The following ZNF385D variants were observed in gnomAD, a reference collection of about 807,000 sequenced individuals.
The protein encoded by ZNF385D is zinc finger protein 385D, also known as zinc finger protein 659.
A neutral mutation model predicts 35.8 loss-of-function variants in ZNF385D; 15 were observed. That is an observed-to-expected ratio of 0.42 (90% confidence interval 0.28 to 0.64). The LOEUF (loss-of-function observed/expected upper bound fraction) is 0.64, where lower values mean the gene tolerates loss of function less well. Ranked by LOEUF, ZNF385D falls within the 30% of genes least tolerant of loss-of-function variation. The pLI, the probability that ZNF385D is intolerant of heterozygous loss-of-function variation, is 0.23. For synonymous variants in ZNF385D, 212 were observed against 186.8 expected (o/e 1.13, Z -1.10); for missense variants, 474 against 494.6 (o/e 0.96, Z 0.39).
At chr3:22,337,125 G>A (rs749834832) in intron 2 of ZNF385D, among the ~76,000 whole-genome samples, 1 of 151,666 alleles carries the variant, frequency 6.6e-6, no homozygotes, top group South Asian at 2.1e-4. Flanking sequence ...GATGTTTTAT[G>A]AATTACTTCA....
chr3:22,123,455 C>T (rs1419392986), intron 3 of ZNF385D, among the ~76,000 whole-genome samples: 1 of 152,082 alleles, frequency 6.6e-6, no homozygotes, highest in Non-Finnish European at 1.5e-5. Flanking sequence ...AATCACACCA[C>T]GGTAAATGGG....
chr3:22,131,065 A>T (rs1400382885), intron 3 of ZNF385D, among the ~76,000 whole-genome samples: 1 of 152,206 alleles, frequency 6.6e-6, no homozygotes, highest in African/African-American at 2.4e-5. Context: ...CTATAAGATA[A>T]CACAATAAAA....
intron 3 of ZNF385D, among the ~76,000 whole-genome samples, chr3:22,041,334 G>A (rs1698651782): frequency 1.3e-5 from 2 of 152,016 alleles, no homozygotes; most frequent in South Asian, 2.1e-4. Context: ...AGGATCCCAT[G>A]CCCACCCCAG....
chr3:21,779,421 T>G (rs1206897838), intron 3 of ZNF385D, among the ~76,000 whole-genome samples: 1 of 151,866 alleles, frequency 6.6e-6, no homozygotes, highest in Non-Finnish European at 1.5e-5. Context: ...AAAAAAACAT[T>G]AAAGAGAGCG....
At chr3:22,114,331 T>C (rs1023097390) in intron 3 of ZNF385D, among the ~76,000 whole-genome samples, 1 of 152,120 alleles carries the variant, frequency 6.6e-6, no homozygotes, top group African/African-American at 2.4e-5. Context: ...AGAAAACTGA[T>C]AAACAGTCTG....
intron 3 of ZNF385D, among the ~76,000 whole-genome samples, chr3:21,770,007 A>G (rs2071006435): frequency 6.6e-6 from 1 of 152,170 alleles, no homozygotes; most frequent in Non-Finnish European, 1.5e-5. Flanking sequence ...TATTTTACAA[A>G]TGGTGCTGGG....
intron 2 of ZNF385D, among the ~76,000 whole-genome samples, chr3:22,186,669 G>A (rs1695656207): frequency 6.6e-6 from 1 of 152,080 alleles, no homozygotes; most frequent in Admixed American, 6.6e-5. Context: ...TTGGTCTCAT[G>A]AGAATAATTT....
At chr3:21,894,200 C>T (rs1400835170) in intron 3 of ZNF385D, among the ~76,000 whole-genome samples, 1 of 151,974 alleles carries the variant, frequency 6.6e-6, no homozygotes, top group East Asian at 1.9e-4. Context: ...ACAAGAAAAA[C>T]AACAGTATTA....
At chr3:21,891,742 T>C (rs964659243) in intron 3 of ZNF385D, among the ~76,000 whole-genome samples, 2 of 152,184 alleles carry the variant, frequency 1.3e-5, no homozygotes, top group African/African-American at 2.4e-5. Context: ...TCTGAGATAC[T>C]AATTAATGAG....
At chr3:21,804,678 G>C (rs1045119295) in intron 3 of ZNF385D, among the ~76,000 whole-genome samples, 1 of 152,100 alleles carries the variant, frequency 6.6e-6, no homozygotes, top group Non-Finnish European at 1.5e-5. Context: ...CTTGTCCTCA[G>C]ATTCTGTATT....
chr3:21,945,322 T>A (rs1033734008), intron 3 of ZNF385D, among the ~76,000 whole-genome samples: 1 of 152,118 alleles, frequency 6.6e-6, no homozygotes, highest in African/African-American at 2.4e-5. Context: ...TGTCTGGTCT[T>A]CAGAAAAATT....
intron 2 of ZNF385D, among the ~76,000 whole-genome samples, chr3:21,600,255 A>T (rs942572205): frequency 3.3e-5 from 5 of 152,196 alleles, no homozygotes; most frequent in Non-Finnish European, 4.4e-5. Context: ...CTACTTTCTT[A>T]ATAAACTTGC....
chr3:21,956,762 G>A (rs2125309353), intron 3 of ZNF385D, among the ~76,000 whole-genome samples: 1 of 151,720 alleles, frequency 6.6e-6, no homozygotes, highest in African/African-American at 2.4e-5. Flanking sequence ...TCAAAAAGAT[G>A]GATGCATGAC....
intron 2 of ZNF385D, among the ~76,000 whole-genome samples, chr3:22,206,000 C>T (rs1445949693): frequency 6.6e-6 from 1 of 151,636 alleles, no homozygotes; most frequent in Non-Finnish European, 1.5e-5. Context: ...TCAAATCTTG[C>T]CATATACAAA....
At chr3:21,810,032 T>G (rs552068895) in intron 3 of ZNF385D, among the ~76,000 whole-genome samples, 1 of 152,134 alleles carries the variant, frequency 6.6e-6, no homozygotes, top group African/African-American at 2.4e-5. Flanking sequence ...ACTTTCCAAT[T>G]TGTTATAACA....
At chr3:21,623,186 A>C (rs1046869208) in intron 2 of ZNF385D, among the ~76,000 whole-genome samples, 1 of 152,120 alleles carries the variant, frequency 6.6e-6, no homozygotes, top group Admixed American at 6.6e-5. Flanking sequence ...TTGTTGTACA[A>C]ATCCAAAGAG....
intron 2 of ZNF385D, among the ~76,000 whole-genome samples, chr3:22,268,005 T>C (rs780141185): frequency 2.0e-5 from 3 of 151,988 alleles, no homozygotes; most frequent in African/African-American, 7.2e-5. Context: ...AGAAAGCAAA[T>C]ATTCTTTCTT....
chr3:22,139,557 T>C (rs62248888), intron 3 of ZNF385D, among the ~76,000 whole-genome samples: 40,340 of 150,876 alleles, frequency 0.27, 6,151 homozygotes, highest in East Asian at 0.41. Flanking sequence ...TAGGTGGGAA[T>C]TGAACAATGA....
chr3:21,617,638 A>G (rs986973201), intron 2 of ZNF385D, among the ~76,000 whole-genome samples: 1 of 152,172 alleles, frequency 6.6e-6, no homozygotes, highest in Non-Finnish European at 1.5e-5. Context: ...ACAGCAAGTG[A>G]TTGAAACGCG....
Sources: allele counts gnomAD v4.1 joint callset (sites outside exome capture counted in the v4.1 genomes callset), GRCh38; gene constraint gnomAD v4.1.1; transcripts MANE v1.5; gene names NCBI Gene and HGNC (gene_info 2026-07-23, HGNC 2026-07-21).